ANKRD30B: variants seen among roughly 807,000 people sequenced by gnomAD.
ANKRD30B encodes the protein ankyrin repeat domain-containing protein 30B.
In ANKRD30B, 144 loss-of-function variants were observed where a neutral mutation model predicts 202.2. That is an observed-to-expected ratio of 0.71 (90% CI 0.62 to 0.82). The LOEUF (loss-of-function observed/expected upper bound fraction) is 0.82. ANKRD30B is among the 40% of genes least tolerant of loss of function. The pLI is 0.00. For missense variants in ANKRD30B, 1,487 were observed against 1,669.1 expected, an observed-to-expected ratio of 0.89 and a Z score of 1.90; for synonymous variants, 508 against 561.3, an observed-to-expected ratio of 0.91 and a Z score of 1.34.
At chr18:14,767,393 G>A (rs1916409059) in intron 7 of ANKRD30B, among the ~76,000 whole-genome samples, 1 of 152,058 alleles carries the variant, frequency 6.6e-6, no homozygotes, top group African/African-American at 2.4e-5. Flanking sequence ...ATTTGGCACA[G>A]TAAGAAATTA....
intron 16 of ANKRD30B, among the ~76,000 whole-genome samples, chr18:14,792,959 G>A (rs1598626939): frequency 2.6e-5 from 4 of 152,086 alleles, no homozygotes; most frequent in South Asian, 4.1e-4. Context: ...TTATTCATAG[G>A]TATTTTACTG....
intron 40 of ANKRD30B, among the ~76,000 whole-genome samples, chr18:14,849,188 A>G (rs1971782190): frequency 1.3e-5 from 2 of 151,924 alleles, no homozygotes; most frequent in African/African-American, 4.8e-5. Context: ...TTAGCAAATT[A>G]ATTTTTTTGA....
chr18:14,872,119 C>T, the ANKRD30B span, among the ~76,000 whole-genome samples: 1 of 152,154 alleles, frequency 6.6e-6, no homozygotes, highest in South Asian at 2.1e-4. Context: ...GAGCCCTAGG[C>T]TCACAAACTT....
At position 14,852,027 on chromosome 18, in the gene ANKRD30B, C is replaced by G. The variant is rs747655151; in HGVS notation, c.4083C>G (p.Ser1361Arg). ...ATGAAGCTCAAAGGAAATCCAAAAG[C>G]CCAAAAATTAATCTCAATTATGCAG... ...PLYEAQRKSK[S>R]PKINLNYAGD... is the part of the protein sequence containing the mutation. The change falls in exon 42 of 44, where the codon AGC (serine) becomes AGG (arginine). Residue 1361 changes from serine to arginine, a missense_variant. By Grantham distance (110) the Ser-to-Arg change is moderately radical (BLOSUM62 -1). Around this residue, in one of 6 missense-constraint regions of ANKRD30B, gnomAD observed 182 missense variants for 216.0 expected, o/e 0.84. Coordinates refer to ENST00000690538, the MANE Select transcript of ANKRD30B (RefSeq NM_001367607.2). 2 of 1,603,322 alleles carry G rather than the reference C, an allele frequency of 1.2e-6. No homozygotes were observed. Among genetic ancestry groups the G allele is most frequent in the East Asian group, 2.2e-5 (1 of 44,454 alleles).
intron 39 of ANKRD30B, among the ~76,000 whole-genome samples, chr18:14,847,262 C>T (rs1318205789): frequency 6.6e-6 from 1 of 151,530 alleles, no homozygotes; most frequent in East Asian, 1.9e-4. Flanking sequence ...AACTCACCTT[C>T]AAGTAATATT....
chr18:14,796,526 A>G (rs546164039), intron 18 of ANKRD30B, 111 bp downstream of exon 18: 3 of 1,301,844 alleles, frequency 2.3e-6, no homozygotes, highest in Non-Finnish European at 3.1e-6. Context: ...TGGTGGGAAA[A>G]TTTGAAACAA....
At chr18:14,807,280 T>C (rs1281110357) in intron 24 of ANKRD30B, among the ~76,000 whole-genome samples, 3 of 151,052 alleles carry the variant, frequency 2.0e-5, no homozygotes, top group African/African-American at 7.3e-5. Context: ...TATATTTCTA[T>C]GTCAAAGAAA....
At chr18:14,879,133 C>T in the ANKRD30B span, among the ~76,000 whole-genome samples, 79,281 of 151,964 alleles carry the variant, frequency 0.52, 20,855 homozygotes, top group African/African-American at 0.54. Flanking sequence ...GGCACTGCCT[C>T]GCTTTGGGAC....
intron 10 of ANKRD30B, 116 bp from the exon 11 acceptor site, chr18:14,779,843 AT>A (rs1307216217): frequency 1.1e-5 from 7 of 661,512 alleles, no homozygotes; most frequent in Non-Finnish European, 1.8e-5. Context: ...ATTCAATAGA[AT>A]ATACAGGCTC....
the ANKRD30B span, among the ~76,000 whole-genome samples, chr18:14,938,943 G>T: frequency 6.6e-6 from 1 of 152,164 alleles, no homozygotes; most frequent in African/African-American, 2.4e-5. Context: ...TCAACAACAG[G>T]AGACAGAGGG....
chr18:14,843,565 G>C (rs1342942015), intron 39 of ANKRD30B, among the ~76,000 whole-genome samples: 1 of 144,568 alleles, frequency 6.9e-6, no homozygotes, highest in Non-Finnish European at 1.5e-5. Flanking sequence ...GTGTGTGTGT[G>C]TGTGTGTGTG....
chr18:14,917,721 C>A, the ANKRD30B span, among the ~76,000 whole-genome samples: 1 of 152,354 alleles, frequency 6.6e-6, no homozygotes, highest in East Asian at 1.9e-4. Flanking sequence ...AGGGATGAGA[C>A]CTGGCACAGC....
intron 1 of ANKRD30B, among the ~76,000 whole-genome samples, chr18:14,750,010 A>G (rs1295035694): frequency 1.3e-5 from 2 of 152,140 alleles, no homozygotes; most frequent in East Asian, 1.9e-4. Flanking sequence ...CAGAAAAAAC[A>G]TAAATGCCTA....
At chr18:14,892,720 A>G in the ANKRD30B span, among the ~76,000 whole-genome samples, 2 of 136,700 alleles carry the variant, frequency 1.5e-5, no homozygotes, top group Non-Finnish European at 3.1e-5. Context: ...AGCCTAGGCA[A>G]CAGAGTGAGA....
the ANKRD30B span, among the ~76,000 whole-genome samples, chr18:14,918,469 C>T: frequency 1.3e-5 from 2 of 152,096 alleles, no homozygotes; most frequent in Non-Finnish European, 1.5e-5. Flanking sequence ...GAAGAATAGG[C>T]ATAAGAGTGA....
chr18:14,885,892 CCTTT>C, the ANKRD30B span, among the ~76,000 whole-genome samples: 5 of 151,620 alleles, frequency 3.3e-5, no homozygotes, highest in African/African-American at 1.2e-4. Context: ...TTAATTTTTT[CCTTT>C]CTAATTGTTA....
At chr18:14,783,624 G>A (rs1235669966) in intron 12 of ANKRD30B, among the ~76,000 whole-genome samples, 3 of 151,980 alleles carry the variant, frequency 2.0e-5, no homozygotes, top group Non-Finnish European at 2.9e-5. Context: ...AATAAATATT[G>A]TGGTGACTTA....
intron 24 of ANKRD30B, among the ~76,000 whole-genome samples, chr18:14,806,675 A>G (rs1293872916): frequency 2.7e-5 from 4 of 149,108 alleles, no homozygotes; most frequent in Non-Finnish European, 5.9e-5. Context: ...TGATGATGAG[A>G]TAGCTCTGAA....
At chr18:14,912,380 A>G in the ANKRD30B span, among the ~76,000 whole-genome samples, 1 of 152,174 alleles carries the variant, frequency 6.6e-6, no homozygotes, top group African/African-American at 2.4e-5. Flanking sequence ...ATAATCATAT[A>G]GTTTTTGTTC....
Sources: allele counts gnomAD v4.1 joint callset (sites outside exome capture counted in the v4.1 genomes callset), GRCh38; gene constraint gnomAD v4.1.1; regional missense constraint gnomAD v4.1.1; transcripts MANE v1.5; gene names NCBI Gene and HGNC (gene_info 2026-07-23, HGNC 2026-07-21).